ADAMTSL3: variants seen among roughly 807,000 people sequenced by gnomAD.
ADAMTSL3 encodes ADAMTS-like protein 3.
A neutral mutation model predicts 201.7 loss-of-function variants in ADAMTSL3; 128 were observed. The observed-to-expected ratio is 0.63, with a 90% confidence interval of 0.55 to 0.73. ADAMTSL3 has a LOEUF of 0.73. Ranked by LOEUF, ADAMTSL3 falls within the 30% of genes least tolerant of loss-of-function variation. The pLI, the probability that ADAMTSL3 is intolerant of heterozygous loss-of-function variation, is 0.00. For synonymous variants in ADAMTSL3, 738 were observed against 748.4 expected, an observed-to-expected ratio of 0.99 and a Z score of 0.23; for missense variants, 1,990 against 2,119.6, an observed-to-expected ratio of 0.94 and a Z score of 1.20.
intron 3 of ADAMTSL3, among the ~76,000 whole-genome samples, chr15:83,766,240 C>G (rs1452438554): frequency 6.6e-6 from 1 of 152,198 alleles, no homozygotes; most frequent in Non-Finnish European, 1.5e-5. Context: ...CCTTGTCCCT[C>G]TCACCTGATG....
chr15:83,957,956 TA>T (rs1165641021), intron 19 of ADAMTSL3, among the ~76,000 whole-genome samples: 3 of 152,198 alleles, frequency 2.0e-5, no homozygotes, highest in Non-Finnish European at 1.5e-5. Context: ...GCATAGTTAC[TA>T]TTCCCAAATC....
At chr15:83,882,117 C>T (rs1276743253) in intron 9 of ADAMTSL3, among the ~76,000 whole-genome samples, 2 of 152,040 alleles carry the variant, frequency 1.3e-5, no homozygotes, top group Non-Finnish European at 2.9e-5. Flanking sequence ...GATCGCGCCA[C>T]TGCACTCCAG....
At chr15:83,828,335 A>G (rs1365426076) in intron 6 of ADAMTSL3, among the ~76,000 whole-genome samples, 1 of 152,122 alleles carries the variant, frequency 6.6e-6, no homozygotes, top group African/African-American at 2.4e-5. Context: ...TTAGTCTGTT[A>G]TTGGTGTATA....
chr15:83,720,881 CA>C (rs2062091057), intron 3 of ADAMTSL3, among the ~76,000 whole-genome samples: 1 of 152,136 alleles, frequency 6.6e-6, no homozygotes, highest in African/African-American at 2.4e-5. Flanking sequence ...GAACTTGGGG[CA>C]AACCTTTAAA....
intron 19 of ADAMTSL3, among the ~76,000 whole-genome samples, chr15:83,947,823 A>G (rs2066682238): frequency 6.6e-6 from 1 of 152,022 alleles, no homozygotes; most frequent in African/African-American, 2.4e-5. Flanking sequence ...ATGATTTTCA[A>G]TCTCCAGAAA....
chr15:83,965,938 G>T (rs569219533), intron 19 of ADAMTSL3, among the ~76,000 whole-genome samples: 68 of 152,280 alleles, frequency 4.5e-4, no homozygotes, highest in African/African-American at 1.6e-3. Flanking sequence ...TGACTACTGG[G>T]TGAATAACAA....
At chr15:83,763,915 T>C (rs1424112101) in intron 3 of ADAMTSL3, among the ~76,000 whole-genome samples, 6 of 152,254 alleles carry the variant, frequency 3.9e-5, no homozygotes, top group Non-Finnish European at 5.9e-5. Flanking sequence ...GCCCCCTTTA[T>C]CTTAACCATT....
At chr15:83,931,740 G>A (rs2066361899) in intron 17 of ADAMTSL3, among the ~76,000 whole-genome samples, 1 of 152,180 alleles carries the variant, frequency 6.6e-6, no homozygotes, top group Non-Finnish European at 1.5e-5. Context: ...GGCTAGGAAA[G>A]GAATGGAAAC....
intron 10 of ADAMTSL3, among the ~76,000 whole-genome samples, chr15:83,886,021 G>C (rs898926941): frequency 2.4e-4 from 37 of 152,196 alleles, no homozygotes; most frequent in Admixed American, 1.3e-4. Context: ...ACTGTGCCCA[G>C]CCTTTTTCAA....
chr15:83,910,801 A>AT lies in ADAMTSL3; in HGVS notation c.1701-2274dup, dbSNP rs775280665. On this transcript the variant is annotated intron_variant, in intron 15 of 29. Coordinates refer to ENST00000286744, the MANE Select transcript of ADAMTSL3 (RefSeq NM_207517.3). ...AGGCATGCACCACCATGACTGGCTA[A>AT]TTTTTTTTTTTTTTTTTAAGTAGAG... Among the ~76,000 whole-genome samples, 966 of 138,086 alleles carry AT rather than the reference A, an allele frequency of 7.0e-3. 5 individuals are homozygous for AT. Among genetic ancestry groups the AT allele is most frequent in the Middle Eastern group, 0.019 (5 of 270 alleles). The allele number at this position is 138,086 out of a possible 152,430, so 90.6% of individuals were successfully genotyped here. A position where few individuals can be genotyped will look rare whatever the true frequency, so the allele number is the denominator to read the frequency against.
At chr15:84,011,255 TG>T (rs755261129) in intron 23 of ADAMTSL3, among the ~76,000 whole-genome samples, 16 of 152,174 alleles carry the variant, frequency 1.1e-4, no homozygotes, top group Non-Finnish European at 2.2e-4. Flanking sequence ...ACTCAAAGAC[TG>T]AGAAATTTTC....
At chr15:83,713,075 T>G (rs924986217) in intron 3 of ADAMTSL3, among the ~76,000 whole-genome samples, 17 of 152,182 alleles carry the variant, frequency 1.1e-4, no homozygotes, top group African/African-American at 4.1e-4. Flanking sequence ...ACGTGGCCTC[T>G]TCTATCAGTG....
At chr15:83,782,704 A>G (rs751051697) in intron 4 of ADAMTSL3, among the ~76,000 whole-genome samples, 1 of 152,116 alleles carries the variant, frequency 6.6e-6, no homozygotes, top group Non-Finnish European at 1.5e-5. Flanking sequence ...GGGGAACAAC[A>G]TTCACTGGGA....
intron 23 of ADAMTSL3, among the ~76,000 whole-genome samples, chr15:84,000,550 G>A (rs1200446759): frequency 6.6e-6 from 1 of 152,118 alleles, no homozygotes; most frequent in Admixed American, 6.5e-5. Flanking sequence ...AGCATGCAGA[G>A]ATGAATACAA....
chr15:83,970,688 T>A (rs1449536343), intron 20 of ADAMTSL3, 51 bp downstream of exon 20: 1 of 1,598,868 alleles, frequency 6.3e-7, no homozygotes, highest in South Asian at 1.1e-5. Flanking sequence ...TCTGTTCATT[T>A]TGTCCCGATG....
At chr15:83,822,410 C>T (rs951607065) in intron 6 of ADAMTSL3, among the ~76,000 whole-genome samples, 4 of 141,020 alleles carry the variant, frequency 2.8e-5, no homozygotes, top group South Asian at 4.7e-4. Flanking sequence ...GGGCGGTTGC[C>T]GGGCGGAGGG....
chr15:83,982,969 A>G lies in ADAMTSL3; in HGVS notation c.3341A>G (p.Asp1114Gly), dbSNP rs2067414367. The G allele has an allele frequency of 1.2e-6, 2 of 1,614,178 alleles. No individual in the cohort carries two copies. The highest frequency in any genetic ancestry group is 1.7e-6 in the Non-Finnish European group (2 of 1,180,030). ...SQLMETGEVS[D>G]DLASQLIYQL... Reference sequence around the variant, plus strand: ...CTCATGGAAACCGGAGAGGTCAGCGATGATCTTGCGTCCCAGCTGATATAT... The same window carrying G: ...CTCATGGAAACCGGAGAGGTCAGCGGTGATCTTGCGTCCCAGCTGATATAT... Residue 1114 changes from aspartate (D) to glycine (G), a missense_variant, in exon 21 of 30, where the codon GAT becomes GGT. Transcript: ENST00000286744.
At chr15:83,689,264 A>G (rs1396972851) in intron 2 of ADAMTSL3, among the ~76,000 whole-genome samples, 2 of 152,218 alleles carry the variant, frequency 1.3e-5, no homozygotes, top group Non-Finnish European at 2.9e-5. Flanking sequence ...CATAGTGAAC[A>G]TGTAGGTACC....
intron 4 of ADAMTSL3, among the ~76,000 whole-genome samples, chr15:83,784,416 G>A (rs1047575742): frequency 1.3e-5 from 2 of 152,050 alleles, no homozygotes; most frequent in African/African-American, 4.8e-5. Context: ...TTTTAATTCA[G>A]TCTTGCTTAC....
Sources: allele counts gnomAD v4.1 joint callset (sites outside exome capture counted in the v4.1 genomes callset), GRCh38; gene constraint gnomAD v4.1.1; transcripts MANE v1.5; gene names NCBI Gene and HGNC (gene_info 2026-07-23, HGNC 2026-07-21).